The following APELA variants were observed in gnomAD, a reference collection of about 807,000 sequenced individuals.
APELA encodes apelin receptor early endogenous ligand, also known as protein Elabela.
At chr4:164,888,295 C>A (rs757759701) in intron 2 of APELA, among the ~76,000 whole-genome samples, 1 of 152,120 alleles carries the variant, frequency 6.6e-6, no homozygotes, top group African/African-American at 2.4e-5. Context: ...GGCAGAGGAC[C>A]AAGACAGGCA....
intron 2 of APELA, among the ~76,000 whole-genome samples, chr4:164,884,240 GAAAGA>G (rs1730725519): frequency 6.6e-6 from 1 of 151,590 alleles, no homozygotes; most frequent in Admixed American, 6.6e-5. Context: ...GAGAAGGAAA[GAAAGA>G]AGAGTTCCAC....
At chr4:164,890,177 T>A (rs1229834181) in intron 2 of APELA, among the ~76,000 whole-genome samples, 1 of 152,230 alleles carries the variant, frequency 6.6e-6, no homozygotes, top group Non-Finnish European at 1.5e-5. Flanking sequence ...TGAACATATG[T>A]ACACTTATTT....
intron 2 of APELA, among the ~76,000 whole-genome samples, chr4:164,888,122 T>G (rs1730810892): frequency 6.6e-6 from 1 of 152,200 alleles, no homozygotes; most frequent in Non-Finnish European, 1.5e-5. Flanking sequence ...TCTCTCCTGC[T>G]CTGTTTTATC....
intron 2 of APELA, among the ~76,000 whole-genome samples, chr4:164,891,638 A>G (rs1291431813): frequency 6.6e-6 from 1 of 152,292 alleles, no homozygotes; most frequent in East Asian, 1.9e-4. Context: ...TTGATCTTAT[A>G]TCCTGAAATC....
intron 2 of APELA, among the ~76,000 whole-genome samples, chr4:164,889,547 T>C (rs913628241): frequency 6.6e-6 from 1 of 152,190 alleles, no homozygotes; most frequent in Non-Finnish European, 1.5e-5. Flanking sequence ...ATGAAAACAG[T>C]AAGTTATTTT....
intron 2 of APELA, among the ~76,000 whole-genome samples, chr4:164,886,393 T>G (rs1437607415): frequency 6.6e-6 from 1 of 152,166 alleles, no homozygotes; most frequent in Non-Finnish European, 1.5e-5. Flanking sequence ...GGCTCACACT[T>G]GTAAACCCAG....
chr4:164,894,855 A>G (rs1414756776), intron 2 of APELA, among the ~76,000 whole-genome samples: 3 of 152,228 alleles, frequency 2.0e-5, no homozygotes, highest in Non-Finnish European at 4.4e-5. Context: ...AATTTAGGCA[A>G]TCCGAGTTGA....
At chr4:164,878,839 A>G (rs1730604755) in intron 1 of APELA, 81 bp from the exon 2 acceptor site, 1 of 398,166 alleles carries the variant, frequency 2.5e-6, no homozygotes. Context: ...GTTTGGCTCC[A>G]AAATATGTTT....
intron 2 of APELA, among the ~76,000 whole-genome samples, chr4:164,882,434 A>G (rs797002143): frequency 1.9e-4 from 29 of 152,220 alleles, no homozygotes; most frequent in African/African-American, 6.3e-4. Flanking sequence ...ATTGTAATAC[A>G]TCTTCATGGT....
intron 1 of APELA, among the ~76,000 whole-genome samples, chr4:164,877,950 T>C (rs763597851): frequency 2.0e-5 from 3 of 152,118 alleles, no homozygotes; most frequent in Non-Finnish European, 4.4e-5. Flanking sequence ...TTATTATGCT[T>C]ATACAGCTAA....
chr4:164,892,200 C>A (rs1421383166), intron 2 of APELA, among the ~76,000 whole-genome samples: 1 of 152,000 alleles, frequency 6.6e-6, no homozygotes, highest in African/African-American at 2.4e-5. Flanking sequence ...CCTACGGTCC[C>A]AGCTACTCAG....
rs576958765 is a variant in APELA at position 164,879,955 on chromosome 4, C to A, written c.*1+946C>A. On this transcript the variant is annotated intron_variant, in intron 2 of 2. Coordinates refer to ENST00000507152, the MANE Select transcript of APELA (RefSeq NM_001297550.2). ...TTTACACTTGTTAAATAATGTTAGA[C>A]CACCACAATTACTGGTAATACTGCT... 2.6e-5 allele frequency among the ~76,000 whole-genome samples: 4 copies of A among 152,308 alleles called. No individual in the cohort carries two copies. In the East Asian group the frequency reaches 7.7e-4, roughly 29 times the overall value.
intron 2 of APELA, among the ~76,000 whole-genome samples, chr4:164,892,592 T>C (rs1405519702): frequency 1.3e-5 from 2 of 152,210 alleles, no homozygotes; most frequent in African/African-American, 4.8e-5. Flanking sequence ...ACTTTTCTTA[T>C]GATGTCTTTT....
intron 2 of APELA, among the ~76,000 whole-genome samples, chr4:164,884,503 C>G (rs554687659): frequency 2.0e-5 from 3 of 152,142 alleles, no homozygotes; most frequent in Admixed American, 2.0e-4. Flanking sequence ...ATTTGACAAA[C>G]AACACCTTAC....
intron 2 of APELA, among the ~76,000 whole-genome samples, chr4:164,889,187 G>C (rs1486065670): frequency 1.3e-5 from 2 of 151,934 alleles, no homozygotes; most frequent in Non-Finnish European, 2.9e-5. Context: ...GTGGGAGTGG[G>C]GATGAGGGTG....
intron 2 of APELA, among the ~76,000 whole-genome samples, chr4:164,891,561 C>T (rs1044740093): frequency 1.2e-4 from 18 of 152,082 alleles, no homozygotes; most frequent in South Asian, 2.1e-4. Context: ...CTATTGCAAA[C>T]GGAATTTTCT....
At position 164,896,779 on chromosome 4, in the gene APELA, T is replaced by C. The variant is rs1033972928; in HGVS notation, c.*1365T>C. 3 of 148,360 alleles carry C rather than the reference T, an allele frequency of 2.0e-5. No homozygotes were observed. Among genetic ancestry groups the C allele is most frequent in the Admixed American group, 6.6e-5 (1 of 15,110 alleles). 9.2% of individuals were successfully genotyped at this position (148,360 alleles called of 1,614,324 possible). ...TAATTCCAGATAAGAAATTTACAAGTTTATATCTTTTTTTTTCTTTTTTTT... is the reference window on the plus strand; with the variant it reads ...TAATTCCAGATAAGAAATTTACAAGCTTATATCTTTTTTTTTCTTTTTTTT... On this transcript the variant is annotated 3_prime_UTR_variant, in exon 3 of 3. Coordinates refer to ENST00000507152, the MANE Select transcript of APELA (RefSeq NM_001297550.2).
At chr4:164,882,481 G>A (rs1231775652) in intron 2 of APELA, among the ~76,000 whole-genome samples, 1 of 152,136 alleles carries the variant, frequency 6.6e-6, no homozygotes, top group Admixed American at 6.5e-5. Flanking sequence ...AGAATGTAAA[G>A]TCAAAAGTAC....
At chr4:164,888,434 A>G (rs1579110928) in intron 2 of APELA, among the ~76,000 whole-genome samples, 2 of 152,182 alleles carry the variant, frequency 1.3e-5, no homozygotes, top group Non-Finnish European at 2.9e-5. Flanking sequence ...TTTGGGGAGT[A>G]TATGTGGTTT....
Sources: gnomAD v4.1 joint callset for allele counts (sites outside exome capture counted in the v4.1 genomes callset) on GRCh38, gnomAD v4.1.1 for gene constraint, MANE v1.5 for transcripts, NCBI Gene and HGNC (gene_info 2026-07-23, HGNC 2026-07-21) for gene names.